Variants in BANP observed in about 807,000 individuals in gnomAD.
BANP encodes BTG3 associated nuclear protein.
BANP carries 11 observed loss-of-function variants against 68.1 expected under a neutral mutation model. The ratio of observed to expected loss-of-function variants is 0.16; its 90% CI spans 0.10 to 0.27. BANP has a LOEUF of 0.27. BANP is among the 10% of genes least tolerant of loss of function. The pLI is 1.00. For missense variants in BANP, 504 were observed against 722.7 expected (o/e 0.70, Z 3.47); for synonymous variants, 329 against 303.2 (o/e 1.09, Z -0.88).
intron 6 of BANP, among the ~76,000 whole-genome samples, chr16:88,010,691 C>T (rs559430575): frequency 5.9e-5 from 9 of 152,390 alleles, no homozygotes; most frequent in South Asian, 2.1e-4. Context: ...CATGTAGCCA[C>T]GCTGTGCTGT....
At chr16:88,017,839 C>T (rs2074946493) in intron 6 of BANP, among the ~76,000 whole-genome samples, 1 of 152,248 alleles carries the variant, frequency 6.6e-6, no homozygotes, top group South Asian at 2.1e-4. Flanking sequence ...CCTGAATGCG[C>T]TGCTCTGGGC....
upstream of BANP, chr16:87,950,314 T>G (rs1201650864): frequency 2.0e-5 from 3 of 152,226 alleles, no homozygotes; most frequent in African/African-American, 4.8e-5. Context: ...AATCCTAGAT[T>G]AGCAGAGGGA....
At chr16:88,033,536 G>T (rs112942994) in intron 9 of BANP, among the ~76,000 whole-genome samples, 3 of 152,342 alleles carry the variant, frequency 2.0e-5, no homozygotes, top group African/African-American at 7.2e-5. Context: ...AGCTCCAAGG[G>T]TCAGGCCGTG....
At chr16:87,983,351 C>T (rs1344646477) in intron 3 of BANP, among the ~76,000 whole-genome samples, 3 of 152,188 alleles carry the variant, frequency 2.0e-5, no homozygotes, top group Admixed American at 6.5e-5. Context: ...CACGTTTCCA[C>T]GTGTGCTCAT....
chr16:88,047,853 G>A (rs1278518778), intron 11 of BANP, among the ~76,000 whole-genome samples: 3 of 152,234 alleles, frequency 2.0e-5, no homozygotes, highest in Admixed American at 2.0e-4. Context: ...GGGTTTGACT[G>A]TGCTTTCTTT....
At chr16:88,050,116 G>T (rs1267262329) in intron 11 of BANP, among the ~76,000 whole-genome samples, 2 of 152,236 alleles carry the variant, frequency 1.3e-5, no homozygotes, top group Non-Finnish European at 2.9e-5. Flanking sequence ...AGATTAACAG[G>T]GATAGATCCA....
rs141030469 is a variant in BANP at position 88,037,013 on chromosome 16, C to A, written c.1273-960C>A. On this transcript the variant is annotated intron_variant, in intron 10 of 13. Coordinates refer to ENST00000682872, the MANE Select transcript of BANP (RefSeq NM_001386991.1). ...AGGGGAAGGTTTGCTTCTCAAGGCA[C>A]AGACAGATGTGGGCTGGGAGGCTAA... Among the ~76,000 whole-genome samples, 394 of 152,264 alleles carry A rather than the reference C, an allele frequency of 2.6e-3. 1 individual carries two copies. The highest frequency in any genetic ancestry group is 8.9e-3 in the African/African-American group (369 of 41,558).
At chr16:87,986,282 G>A (rs1277342347) in intron 4 of BANP, among the ~76,000 whole-genome samples, 1 of 152,232 alleles carries the variant, frequency 6.6e-6, no homozygotes, top group Non-Finnish European at 1.5e-5. Context: ...CACTTGTCAC[G>A]TTGTGCCAGT....
At position 88,038,021 on chromosome 16, in the gene BANP, C is replaced by A. The variant is rs1192296763; in HGVS notation, c.1311+10C>A. 9.3e-6 allele frequency: 15 copies of A among 1,613,342 alleles called. No individual in the cohort carries two copies. The highest frequency in any genetic ancestry group is 1.2e-5 in the Non-Finnish European group (14 of 1,179,470). On this transcript the variant is annotated intron_variant, in intron 11 of 13. Coordinates refer to ENST00000682872, the MANE Select transcript of BANP (RefSeq NM_001386991.1). ...GGGGCAGGACGGTCAGGTGAGTGTC[C>A]CAGTCCCCATGCACATGCGGGCGTT...
At chr16:88,042,787 G>A (rs1221480195) in intron 11 of BANP, among the ~76,000 whole-genome samples, 1 of 151,934 alleles carries the variant, frequency 6.6e-6, no homozygotes, top group Non-Finnish European at 1.5e-5. Flanking sequence ...CTGGTGGTAT[G>A]TGCCTGTAGT....
At chr16:88,073,652 C>G (rs4072778) in intron 13 of BANP, among the ~76,000 whole-genome samples, 33,569 of 151,936 alleles carry the variant, frequency 0.22, 3,881 homozygotes, top group South Asian at 0.28. Flanking sequence ...GCGTGGCTGC[C>G]TCAGCCCCTG....
intron 7 of BANP, among the ~76,000 whole-genome samples, chr16:88,022,345 G>A (rs1012838305): frequency 3.3e-5 from 5 of 152,182 alleles, no homozygotes; most frequent in African/African-American, 7.2e-5. Context: ...ACCCGATCTC[G>A]TCTGATCTAA....
chr16:88,008,488 C>T (rs192546863), intron 6 of BANP, among the ~76,000 whole-genome samples: 363 of 152,294 alleles, frequency 2.4e-3, no homozygotes, highest in African/African-American at 8.1e-3. Context: ...TGGCCACCCC[C>T]TTCAGGCCTG....
At chr16:87,982,306 G>A (rs1244691436) in intron 3 of BANP, among the ~76,000 whole-genome samples, 2 of 152,212 alleles carry the variant, frequency 1.3e-5, no homozygotes, top group African/African-American at 2.4e-5. Flanking sequence ...GCGTAGAGTC[G>A]TGTGCGTGGC....
chr16:88,020,124 G>A (rs897473244), intron 7 of BANP, among the ~76,000 whole-genome samples: 26 of 152,222 alleles, frequency 1.7e-4, no homozygotes, highest in Non-Finnish European at 2.8e-4. Context: ...AGCAGGTCAA[G>A]AGGATCAGAG....
chr16:88,059,408 G>A (rs898581059), intron 11 of BANP, among the ~76,000 whole-genome samples: 1 of 152,024 alleles, frequency 6.6e-6, no homozygotes, highest in Non-Finnish European at 1.5e-5. Context: ...TAAGGCCCCT[G>A]TCACTGGGTT....
intron 12 of BANP, among the ~76,000 whole-genome samples, chr16:88,069,997 C>G (rs1018324731): frequency 6.6e-6 from 1 of 152,152 alleles, no homozygotes; most frequent in African/African-American, 2.4e-5. Context: ...ACGGTGAGGA[C>G]GAAGGCCAGG....
intron 11 of BANP, among the ~76,000 whole-genome samples, chr16:88,044,200 C>T (rs116622837): frequency 0.016 from 2,485 of 152,330 alleles, 76 homozygotes; most frequent in African/African-American, 0.057. Flanking sequence ...TGAGTGCACG[C>T]GGGCTGCATG....
Position 88,035,496 on chromosome 16 carries a change from G to T in BANP, c.1272+102G>T, listed in dbSNP as rs532309381. The T allele has an allele frequency of 1.9e-4, 219 of 1,155,254 alleles. No homozygotes were observed. The African/African-American group carries it at 3.3e-3, about 17-fold the overall frequency. The allele number at this position is 1,155,254 out of a possible 1,614,324, so 71.6% of individuals were successfully genotyped here. A position where few individuals can be genotyped will look rare whatever the true frequency, so the allele number is the denominator to read the frequency against. ...TGCGAGGGCAGCAGGGAGCCCCCAG[G>T]ACAGGGAACGTGGGCAAGGGCTGCA... is the stretch of plus-strand genomic sequence containing the variant. On this transcript the variant is annotated intron_variant, in intron 10 of 13. Coordinates refer to ENST00000682872, the MANE Select transcript of BANP (RefSeq NM_001386991.1).
Sources: allele counts gnomAD v4.1 joint callset (sites outside exome capture counted in the v4.1 genomes callset), GRCh38; gene constraint gnomAD v4.1.1; transcripts MANE v1.5; gene names NCBI Gene and HGNC (gene_info 2026-07-23, HGNC 2026-07-21).